Variants in DAB1 observed in about 807,000 individuals in gnomAD.
The protein encoded by DAB1 is DAB adaptor protein 1.
A neutral mutation model predicts 64.6 loss-of-function variants in DAB1; 15 were observed. That is an observed-to-expected ratio of 0.23 (90% CI 0.16 to 0.36). The LOEUF is 0.36. DAB1 is among the 10% of genes least tolerant of loss of function. The pLI, the probability that DAB1 is intolerant of heterozygous loss-of-function variation, is 1.00. For synonymous variants in DAB1, 235 were observed against 251.9 expected (o/e 0.93, Z 0.64); for missense variants, 596 against 706.7 (o/e 0.84, Z 1.78).
intron 5 of DAB1, among the ~76,000 whole-genome samples, chr1:58,134,146 T>C (rs965930076): frequency 1.3e-5 from 2 of 152,196 alleles, no homozygotes; most frequent in African/African-American, 2.4e-5. Context: ...AATTTATAAA[T>C]AATAGACATG....
chr1:57,001,072 A>G (rs1007262423), intron 14 of DAB1, among the ~76,000 whole-genome samples: 1 of 152,200 alleles, frequency 6.6e-6, no homozygotes, highest in Non-Finnish European at 1.5e-5. Context: ...AGATAATCCC[A>G]AAGTCTGACA....
At chr1:58,544,330 G>A (rs200075233) in intron 1 of DAB1, among the ~76,000 whole-genome samples, 1 of 152,070 alleles carries the variant, frequency 6.6e-6, no homozygotes, top group East Asian at 1.9e-4. Flanking sequence ...GGATGCTAGA[G>A]ATACTGCAGA....
intron 10 of DAB1, among the ~76,000 whole-genome samples, chr1:57,025,522 G>A (rs1646757097): frequency 6.6e-6 from 1 of 152,128 alleles, no homozygotes; most frequent in Non-Finnish European, 1.5e-5. Flanking sequence ...GCAGGGTGTG[G>A]GGAGAAGATC....
chr1:57,356,955 C>G (rs984465305), intron 1 of DAB1, among the ~76,000 whole-genome samples: 2 of 151,970 alleles, frequency 1.3e-5, no homozygotes, highest in African/African-American at 4.8e-5. Context: ...AAGAGACTTA[C>G]TTTAATCCCT....
At chr1:58,462,823 C>T (rs1645256934) in intron 3 of DAB1, 1 of 152,144 alleles carries the variant, frequency 6.6e-6, no homozygotes. Flanking sequence ...GACAGACATA[C>T]CTCTGAGTGT....
intron 5 of DAB1, among the ~76,000 whole-genome samples, chr1:58,016,583 A>G (rs1271135692): frequency 6.6e-6 from 1 of 152,042 alleles, no homozygotes; most frequent in Non-Finnish European, 1.5e-5. Flanking sequence ...TCCCATACCT[A>G]TCCCTAGGTC....
At chr1:57,340,364 T>C (rs1357125916) in intron 1 of DAB1, among the ~76,000 whole-genome samples, 4 of 152,234 alleles carry the variant, frequency 2.6e-5, no homozygotes, top group African/African-American at 9.6e-5. Context: ...TTGGAAAATA[T>C]GCACTCTGGA....
chr1:57,334,050 C>T (rs552650129), intron 1 of DAB1, among the ~76,000 whole-genome samples: 138 of 152,284 alleles, frequency 9.1e-4, no homozygotes, highest in Non-Finnish European at 1.6e-3. Flanking sequence ...AGACCCCCAG[C>T]CTTGGACTCC....
chr1:58,034,340 A>G (rs1647013793), intron 5 of DAB1, among the ~76,000 whole-genome samples: 1 of 152,206 alleles, frequency 6.6e-6, no homozygotes, highest in Non-Finnish European at 1.5e-5. Context: ...CAAGTAAGGG[A>G]TCTTGAAAGA....
Position 57,306,363 on chromosome 1 carries a change from C to T in DAB1, c.-136-15197G>A, listed in dbSNP as rs146018091. Among the ~76,000 whole-genome samples the T allele has an allele frequency of 2.2e-3, 332 of 152,182 alleles. 2 individuals carry two copies. The highest frequency in any genetic ancestry group is 7.6e-3 in the African/African-American group (314 of 41,536). On this transcript the variant is annotated intron_variant, in intron 1 of 14. Transcript: ENST00000371236. ...TCTTGCATCTTCCTTTGCCTTTGTT[C>T]TAATAAGATGCAAGAAAGCTCCACA...
chr1:57,329,075 C>CT (rs1322380359), intron 1 of DAB1, among the ~76,000 whole-genome samples: 1 of 152,200 alleles, frequency 6.6e-6, no homozygotes, highest in Non-Finnish European at 1.5e-5. Flanking sequence ...TTCTATAACT[C>CT]TATAATTCAC....
At chr1:58,327,628 G>C (rs1404756901) in intron 4 of DAB1, among the ~76,000 whole-genome samples, 1 of 152,070 alleles carries the variant, frequency 6.6e-6, no homozygotes, top group Non-Finnish European at 1.5e-5. Context: ...TGCTTCACAG[G>C]GTAAGCAGAG....
At chr1:57,186,646 A>G (rs1663593021) in intron 2 of DAB1, among the ~76,000 whole-genome samples, 1 of 152,236 alleles carries the variant, frequency 6.6e-6, no homozygotes. Flanking sequence ...CAAAACCTGA[A>G]ATGCACGCGT....
At position 57,113,861 on chromosome 1, in the gene DAB1, A is replaced by T. The variant is rs576451824; in HGVS notation, c.306+22682T>A. Among the ~76,000 whole-genome samples, 4 of 152,312 alleles carry T rather than the reference A, an allele frequency of 2.6e-5. No individual in the cohort carries two copies. The South Asian group carries it at 8.3e-4, about 32-fold the overall frequency. On this transcript the variant is annotated intron_variant, in intron 4 of 14. Coordinates refer to ENST00000371236, the MANE Select transcript of DAB1 (RefSeq NM_001365792.1). ...ATCCAGACCTTTCTCATTCCAAAGC[A>T]TGTGATCTTTCTCGTAAATACTCAT...
chr1:58,106,308 T>C (rs1271627558), intron 5 of DAB1, among the ~76,000 whole-genome samples: 1 of 151,782 alleles, frequency 6.6e-6, no homozygotes, highest in Non-Finnish European at 1.5e-5. Context: ...CTCTGAAGTA[T>C]CTAGGACTAC....
chr1:58,473,357 AAG>A (rs1207103422), intron 3 of DAB1, among the ~76,000 whole-genome samples: 1 of 151,520 alleles, frequency 6.6e-6, no homozygotes, highest in Non-Finnish European at 1.5e-5. Flanking sequence ...CCTGGCTAAC[AAG>A]GTGAAACCCC....
At chr1:58,267,903 C>A (rs1661211893) in intron 4 of DAB1, among the ~76,000 whole-genome samples, 2 of 152,162 alleles carry the variant, frequency 1.3e-5, no homozygotes, top group South Asian at 4.1e-4. Context: ...TCAAAACTCC[C>A]TATTGCAGTC....
At chr1:58,283,332 G>A (rs651663) in intron 4 of DAB1, among the ~76,000 whole-genome samples, 140,179 of 152,204 alleles carry the variant, frequency 0.92, 64,553 homozygotes, top group Middle Eastern at 0.96. Flanking sequence ...GGCAGGCCTG[G>A]AGTAGTATCT....
intron 2 of DAB1, among the ~76,000 whole-genome samples, chr1:57,275,743 G>T (rs1671407240): frequency 6.6e-6 from 1 of 152,200 alleles, no homozygotes; most frequent in African/African-American, 2.4e-5. Context: ...GTCCCCAGTG[G>T]TGACATGCCC....
Sources: allele counts gnomAD v4.1 joint callset (sites outside exome capture counted in the v4.1 genomes callset), GRCh38; gene constraint gnomAD v4.1.1; transcripts MANE v1.5; gene names NCBI Gene and HGNC (gene_info 2026-07-23, HGNC 2026-07-21).